Variants in CDH23 observed in about 807,000 individuals in gnomAD.
CDH23 encodes the protein cadherin related 23.
Under a neutral mutation model 317.1 loss-of-function variants are expected in CDH23, and 189 were observed. The observed-to-expected ratio is 0.60, with a 90% confidence interval of 0.53 to 0.67. CDH23 has a LOEUF of 0.67. Among genes scored for constraint, CDH23 ranks in the 30% least tolerant of loss-of-function variants. The pLI, the probability that CDH23 is intolerant of heterozygous loss-of-function variation, is 0.00. For synonymous variants in CDH23, 1,839 were observed against 1,876.8 expected, an observed-to-expected ratio of 0.98 and a Z score of 0.52; for missense variants, 4,401 against 4,592.4, an observed-to-expected ratio of 0.96 and a Z score of 1.20.
chr10:71,593,197 A>T (rs1410229807), intron 9 of CDH23, among the ~76,000 whole-genome samples: 3 of 152,244 alleles, frequency 2.0e-5, no homozygotes, highest in African/African-American at 7.2e-5. Flanking sequence ...AACTTGTTAT[A>T]TGATAAAGGT....
At chr10:71,680,775 T>C (rs1021967650) in intron 17 of CDH23, among the ~76,000 whole-genome samples, 5 of 145,252 alleles carry the variant, frequency 3.4e-5, no homozygotes, top group Non-Finnish European at 3.0e-5. Flanking sequence ...AAAAAGAAAT[T>C]GCATTCTCTA....
At chr10:71,414,229 A>G (rs1214375657) in intron 1 of CDH23, among the ~76,000 whole-genome samples, 2 of 152,184 alleles carry the variant, frequency 1.3e-5, no homozygotes, top group Non-Finnish European at 2.9e-5. Flanking sequence ...TTAAATGGAA[A>G]TGGCAATAGA....
At chr10:71,584,362 A>G (rs1027987173) in intron 9 of CDH23, among the ~76,000 whole-genome samples, 8 of 152,172 alleles carry the variant, frequency 5.3e-5, no homozygotes, top group Non-Finnish European at 8.8e-5. Flanking sequence ...CCTCACTTTC[A>G]ACTTTCAAGG....
At chr10:71,731,043 G>A (rs1839362955) in intron 31 of CDH23, among the ~76,000 whole-genome samples, 1 of 152,244 alleles carries the variant, frequency 6.6e-6, no homozygotes, top group African/African-American at 2.4e-5. Flanking sequence ...TGTACAAGGG[G>A]CAGTACCCTT....
chr10:71,694,116 C>CCTCTCACGCACCCACTTCT, intron 20 of CDH23, 31 bp from the exon 21 acceptor site: 1 of 1,578,766 alleles, frequency 6.3e-7, no homozygotes, highest in Non-Finnish European at 8.7e-7. Context: ...CCACCCAAAC[C>CCTCTCACGCACCCACTTCT]CTCTCACGCA....
intron 38 of CDH23, among the ~76,000 whole-genome samples, chr10:71,764,662 G>T (rs548050564): frequency 6.6e-6 from 1 of 152,164 alleles, no homozygotes; most frequent in African/African-American, 2.4e-5. Flanking sequence ...GCCAGAGTCC[G>T]TCCGTACTAC....
At chr10:71,456,427 T>C (rs1458145398) in intron 3 of CDH23, among the ~76,000 whole-genome samples, 1 of 142,590 alleles carries the variant, frequency 7.0e-6, no homozygotes, top group Admixed American at 6.7e-5. Flanking sequence ...CTGTGTCTTC[T>C]TGGGGGTCCT....
intron 30 of CDH23, among the ~76,000 whole-genome samples, chr10:71,726,157 G>A (rs765224915): frequency 6.6e-6 from 1 of 152,164 alleles, no homozygotes; most frequent in South Asian, 2.1e-4. Context: ...GGGGATGACT[G>A]AGATGAATGA....
At chr10:71,463,131 C>G (rs557925195) in intron 3 of CDH23, among the ~76,000 whole-genome samples, 80 of 152,338 alleles carry the variant, frequency 5.3e-4, no homozygotes, top group Admixed American at 8.5e-4. Flanking sequence ...ACTGGTACTG[C>G]TTCTTAGCTC....
In CDH23 at chr10:71,615,604, C is replaced by A. The variant is rs769117995; in HGVS notation, c.933C>A (p.Ile311=). The A allele has an allele frequency of 1.9e-6, 3 of 1,613,608 alleles. No individual in the cohort carries two copies. The highest frequency in any genetic ancestry group is 4.5e-5 in the East Asian group (2 of 44,872). The change falls in exon 10 of 70, where the codon ATC becomes ATA. Residue 311 remains isoleucine, a synonymous_variant. Transcript: ENST00000224721. ...RENPLYSHGF[I]LTVKGTELND... Reference sequence around the variant, plus strand: ...ACCCCCTGTACAGCCATGGCTTCATCCTGACTGTGAAGGTGAGACCTGGGT... The same window carrying A: ...ACCCCCTGTACAGCCATGGCTTCATACTGACTGTGAAGGTGAGACCTGGGT...
At chr10:71,728,068 C>T (rs1039425000) in intron 30 of CDH23, among the ~76,000 whole-genome samples, 2 of 152,128 alleles carry the variant, frequency 1.3e-5, no homozygotes, top group South Asian at 2.1e-4. Context: ...TTCCCCACAA[C>T]CCTTGGAGTC....
At chr10:71,545,472 C>G (rs1856222170) in intron 6 of CDH23, among the ~76,000 whole-genome samples, 1 of 152,210 alleles carries the variant, frequency 6.6e-6, no homozygotes, top group African/African-American at 2.4e-5. Flanking sequence ...CATAAGGAGA[C>G]CCGATGCTTA....
chr10:71,809,477 C>G (rs1344741761), intron 60 of CDH23, among the ~76,000 whole-genome samples: 6 of 152,094 alleles, frequency 3.9e-5, no homozygotes, highest in Non-Finnish European at 1.5e-5. Flanking sequence ...CACACCCGGG[C>G]TTATTTGTGG....
chr10:71,730,493 A>G lies in CDH23; in HGVS notation c.3604A>G (p.Asn1202Asp), dbSNP rs1839335195. 1 of 1,613,748 alleles carries G rather than the reference A, an allele frequency of 6.2e-7. No individual in the cohort carries two copies. The highest frequency in any genetic ancestry group is 8.5e-7 in the Non-Finnish European group (1 of 1,179,874). ...GGTGATTGTGTACGTGGAGGACATC[A>G]ACGATGAGGCCCCCGTGTTCACACA... ...VRVIVYVEDI[N>D]DEAPVFTQQQ... Residue 1202 changes from asparagine to aspartate, a missense_variant, in exon 31 of 70, where the codon AAC (asparagine) becomes GAC (aspartate). Coordinates refer to ENST00000224721, the MANE Select transcript of CDH23 (RefSeq NM_022124.6).
chr10:71,546,767 G>A (rs189349390), intron 6 of CDH23, among the ~76,000 whole-genome samples: 26 of 152,300 alleles, frequency 1.7e-4, no homozygotes, highest in Admixed American at 1.4e-3. Context: ...CAGGTGCATC[G>A]CCCTTCCTGT....
At chr10:71,532,713 T>G (rs1564636279) in intron 6 of CDH23, among the ~76,000 whole-genome samples, 2 of 40,840 alleles carry the variant, frequency 4.9e-5, no homozygotes, top group African/African-American at 2.0e-4. Flanking sequence ...TTGTTTTTGT[T>G]TTTTTTTTTT....
Position 71,773,663 on chromosome 10 carries a change from C to T in CDH23, c.4846-4017C>T, listed in dbSNP as rs540581516. 7.9e-5 allele frequency among the ~76,000 whole-genome samples: 12 copies of T among 152,274 alleles called. No homozygotes were observed. The South Asian group carries it at 1.9e-3, about 24-fold the overall frequency. On this transcript the variant is annotated intron_variant, in intron 38 of 69. Coordinates refer to ENST00000224721, the MANE Select transcript of CDH23 (RefSeq NM_022124.6). ...GGAGGGGCTTCCCGGAGGCCGGCCC[C>T]GTGGGTGGGGAGCCAGCGTGCGTCC...
chr10:71,416,635 T>A (rs1410278397), intron 1 of CDH23, among the ~76,000 whole-genome samples: 1 of 151,462 alleles, frequency 6.6e-6, no homozygotes, highest in African/African-American at 2.4e-5. Flanking sequence ...TTTTTGCAGT[T>A]TTTGCTCATC....
chr10:71,630,203 G>A (rs1266100133), intron 11 of CDH23, among the ~76,000 whole-genome samples: 1 of 152,058 alleles, frequency 6.6e-6, no homozygotes, highest in African/African-American at 2.4e-5. Flanking sequence ...TAAACTTTTT[G>A]TAGAGATGGG....
Sources: gnomAD v4.1 joint callset for allele counts (sites outside exome capture counted in the v4.1 genomes callset) on GRCh38, gnomAD v4.1.1 for gene constraint, MANE v1.5 for transcripts, NCBI Gene and HGNC (gene_info 2026-07-23, HGNC 2026-07-21) for gene names.